EFTUD2: variants seen among roughly 807,000 people sequenced by gnomAD.
EFTUD2 encodes 116 kDa U5 small nuclear ribonucleoprotein component.
EFTUD2 carries 9 observed loss-of-function variants against 114.3 expected under a neutral mutation model. That is an observed-to-expected ratio of 0.08 (90% CI 0.05 to 0.14). The LOEUF (loss-of-function observed/expected upper bound fraction) is 0.14. Among genes scored for constraint, EFTUD2 ranks in the 10% least tolerant of loss-of-function variants. EFTUD2 has a pLI of 1.00. For missense variants in EFTUD2, 765 were observed against 1,241.2 expected, an observed-to-expected ratio of 0.62 and a Z score of 5.76; for synonymous variants, 449 against 462.3, an observed-to-expected ratio of 0.97 and a Z score of 0.37.
intron 8 of EFTUD2, among the ~76,000 whole-genome samples, chr17:44,880,264 C>T (rs1474309111): frequency 6.6e-6 from 1 of 152,148 alleles, no homozygotes; most frequent in Non-Finnish European, 1.5e-5. Context: ...ACCTTTAGCT[C>T]CCCAGCAGAT....
At chr17:44,866,668 T>C (rs2050751894) in intron 13 of EFTUD2, among the ~76,000 whole-genome samples, 1 of 151,904 alleles carries the variant, frequency 6.6e-6, no homozygotes, top group South Asian at 2.1e-4. Flanking sequence ...CCTGAGCCAC[T>C]GTGCCCAGCT....
At chr17:44,885,635 A>T (rs1052297058) in intron 3 of EFTUD2, among the ~76,000 whole-genome samples, 2 of 152,100 alleles carry the variant, frequency 1.3e-5, no homozygotes, top group Non-Finnish European at 2.9e-5. Flanking sequence ...TGCATTTATA[A>T]GATGCAATCA....
At chr17:44,868,909 T>C (rs2050797615) in intron 11 of EFTUD2, among the ~76,000 whole-genome samples, 1 of 152,212 alleles carries the variant, frequency 6.6e-6, no homozygotes, top group African/African-American at 2.4e-5. Context: ...ATTTTTAGTT[T>C]GACTATAACT....
chr17:44,876,855 C>CAAAAAAA lies in EFTUD2; in HGVS notation c.703-762_703-756dup, dbSNP rs58892812. Among the ~76,000 whole-genome samples the CAAAAAAA allele has an allele frequency of 1.6e-3, 78 of 48,236 alleles. 10 individuals are homozygous for CAAAAAAA. The highest frequency in any genetic ancestry group is 0.016 in the Middle Eastern group (1 of 64). 31.6% of individuals were successfully genotyped at this position (48,236 alleles called of 152,430 possible). Reference sequence around the variant, plus strand: ...TGGGCGACAGAGTGAGACTCCGTCTCAAAAAAAAAAAAAAAAAAAAAAAAA... The same window carrying CAAAAAAA: ...TGGGCGACAGAGTGAGACTCCGTCTCAAAAAAAAAAAAAAAAAAAAAAAAAAAAAAAA... On this transcript the variant is annotated intron_variant, in intron 9 of 27. Transcript: ENST00000426333.
In EFTUD2 at chr17:44,883,703, A is replaced by T. The variant is rs2051114115; in HGVS notation, c.372T>A (p.Asp124Glu). The T allele has an allele frequency of 6.2e-7, 1 of 1,614,120 alleles. No homozygotes were observed. Among genetic ancestry groups the T allele is most frequent in the Non-Finnish European group, 8.5e-7 (1 of 1,180,034 alleles). Reference protein sequence around the residue: ...YEMDFLADLMDNSELIRNVTL... With the variant: ...YEMDFLADLMENSELIRNVTL... ...TCACATTTCTGATGAGCTCTGAGTTATCCATCAGATCCGCCAAGAAACTGA... is the reference window on the plus strand; with the variant it reads ...TCACATTTCTGATGAGCTCTGAGTTTTCCATCAGATCCGCCAAGAAACTGA... The change falls in exon 5 of 28, where the codon GAT (aspartate) becomes GAA (glutamate). Residue 124 changes from aspartate (D) to glutamate (E), a missense_variant. By Grantham distance (45) the Asp-to-Glu change is conservative (BLOSUM62 2). Around this residue, in one of 6 missense-constraint regions of EFTUD2, gnomAD observed 19 missense variants for 53.0 expected, o/e 0.36. Transcript: ENST00000426333.
At chr17:44,859,591 T>C in intron 18 of EFTUD2, 2 of 515,676 alleles carry the variant, frequency 3.9e-6, no homozygotes, top group Non-Finnish European at 7.0e-6. Context: ...AGTATACTCA[T>C]TAAGAAATGT....
chr17:44,884,620 T>C (rs2051133151), intron 4 of EFTUD2, among the ~76,000 whole-genome samples: 1 of 151,724 alleles, frequency 6.6e-6, no homozygotes, highest in Non-Finnish European at 1.5e-5. Flanking sequence ...GGGCCGGGCA[T>C]GGTAGCTCAC....
intron 18 of EFTUD2, 85 bp from the exon 19 acceptor site, chr17:44,859,266 G>C: frequency 1.0e-6 from 1 of 955,310 alleles, no homozygotes. Flanking sequence ...GAGCAGACAA[G>C]AAGTTGCCTA....
chr17:44,890,738 G>A lies in EFTUD2; in HGVS notation c.105+3679C>T, dbSNP rs148441550. Among the ~76,000 whole-genome samples the A allele has an allele frequency of 3.7e-3, 556 of 152,210 alleles. 2 individuals are homozygous for A. Among genetic ancestry groups the A allele is most frequent in the African/African-American group, 0.013 (525 of 41,542 alleles). On this transcript the variant is annotated intron_variant, in intron 2 of 27. Transcript: ENST00000426333. ...AATCTATGCATCTTGTGGACTAGGA[G>A]GCTATAACCCTCATTCTGCTGGAAA...
At chr17:44,860,194 G>T in intron 17 of EFTUD2, 149 bp from the exon 18 acceptor site, 1 of 1,093,876 alleles carries the variant, frequency 9.1e-7, no homozygotes, top group Non-Finnish European at 1.3e-6. Context: ...AACCTGAAGG[G>T]CCATTTCTTC....
intron 11 of EFTUD2, 82 bp downstream of exon 11, chr17:44,872,364 A>G (rs2050870548): frequency 6.3e-7 from 1 of 1,581,388 alleles, no homozygotes; most frequent in Non-Finnish European, 8.6e-7. Flanking sequence ...GCTGATACGA[A>G]GCCAATTTCT....
At chr17:44,856,991 T>G (rs1327557482) in intron 20 of EFTUD2, 84 bp downstream of exon 20, 3 of 1,160,334 alleles carry the variant, frequency 2.6e-6, no homozygotes, top group Non-Finnish European at 3.9e-6. Context: ...TGCATAGTGC[T>G]CATGGTGGGG....
At chr17:44,868,809 G>A (rs990641416) in intron 11 of EFTUD2, among the ~76,000 whole-genome samples, 2 of 152,142 alleles carry the variant, frequency 1.3e-5, no homozygotes, top group African/African-American at 4.8e-5. Context: ...ATAAGGTTCT[G>A]GCTAGCCCTA....
At chr17:44,853,039 C>T (rs928789344) in intron 25 of EFTUD2, among the ~76,000 whole-genome samples, 1 of 152,134 alleles carries the variant, frequency 6.6e-6, no homozygotes, top group Admixed American at 6.5e-5. Context: ...CGCCACCACG[C>T]CCAGCTAATT....
At position 44,857,833 on chromosome 17, in the gene EFTUD2, C is replaced by T. The variant is rs553603045; in HGVS notation, c.1963-676G>A. Among the ~76,000 whole-genome samples, 20 of 152,264 alleles carry T rather than the reference C, an allele frequency of 1.3e-4. No homozygotes were observed. In the South Asian group the frequency reaches 3.5e-3, roughly 27 times the overall value. ...ACCCACTCTGAGACCTAATCACCAC[C>T]CATGGGTTAATTGTTTAATTGTGCA... On this transcript the variant is annotated intron_variant, in intron 19 of 27. Coordinates refer to ENST00000426333, the MANE Select transcript of EFTUD2 (RefSeq NM_004247.4).
In EFTUD2 at chr17:44,851,203, T is replaced by G; in HGVS notation, c.*71A>C. 1.6e-6 allele frequency: 2 copies of G among 1,271,408 alleles called. No individual in the cohort carries two copies. Among genetic ancestry groups the G allele is most frequent in the Non-Finnish European group, 2.3e-6 (2 of 871,270 alleles). 78.8% of individuals were successfully genotyped at this position (1,271,408 alleles called of 1,614,324 possible). ...CTGACAACACGAAGGCCACGTCATATGAGGTCTCAGCTTCAAGTACAGGAG... is the reference window on the plus strand; with the variant it reads ...CTGACAACACGAAGGCCACGTCATAGGAGGTCTCAGCTTCAAGTACAGGAG... On this transcript the variant is annotated 3_prime_UTR_variant, in exon 28 of 28. Transcript: ENST00000426333.
chr17:44,859,104 C>A lies in EFTUD2; in HGVS notation c.1938G>T (p.Lys646Asn). ...YLDCVMHDLR[K>N]MYSEIDIKVA... ...CCTTGATGTCTATCTCTGAGTACAT[C>A]TTCCGCAAATCATGCATCACACAGT... is the stretch of plus-strand genomic sequence containing the variant. Residue 646 changes from lysine to asparagine, a missense_variant, in exon 19 of 28, where the codon AAG (lysine) becomes AAT (asparagine). Around this residue, in one of 6 missense-constraint regions of EFTUD2, gnomAD observed 149 missense variants for 245.1 expected, o/e 0.61. Coordinates refer to ENST00000426333, the MANE Select transcript of EFTUD2 (RefSeq NM_004247.4). The A allele has an allele frequency of 6.2e-7, 1 of 1,613,824 alleles. No individual in the cohort carries two copies. Among genetic ancestry groups the A allele is most frequent in the Non-Finnish European group, 8.5e-7 (1 of 1,179,712 alleles).
chr17:44,869,423 C>T (rs932109361), intron 11 of EFTUD2, among the ~76,000 whole-genome samples: 4 of 152,140 alleles, frequency 2.6e-5, no homozygotes, highest in African/African-American at 7.2e-5. Context: ...CTCTGCCTCC[C>T]GAGTAGCTGG....
intron 2 of EFTUD2, among the ~76,000 whole-genome samples, chr17:44,889,017 T>C (rs189433939): frequency 5.3e-4 from 81 of 152,280 alleles, no homozygotes; most frequent in South Asian, 1.0e-3. Context: ...GCCCCGGGCC[T>C]GCTGACATTT....
Sources: gnomAD v4.1 joint callset for allele counts (sites outside exome capture counted in the v4.1 genomes callset) on GRCh38, gnomAD v4.1.1 for gene constraint, gnomAD v4.1.1 regional missense constraint, MANE v1.5 for transcripts, NCBI Gene and HGNC (gene_info 2026-07-23, HGNC 2026-07-21) for gene names.